The following MEN1 variants were observed in gnomAD, a reference collection of about 807,000 sequenced individuals.
The protein encoded by MEN1 is menin.
Under a neutral mutation model 58.0 loss-of-function variants are expected in MEN1, and 6 were observed. The observed-to-expected ratio is 0.10, with a 90% CI of 0.06 to 0.20. The LOEUF (loss-of-function observed/expected upper bound fraction) is 0.20, where lower values mean the gene tolerates loss of function less well. Ranked by LOEUF, MEN1 falls within the 10% of genes least tolerant of loss-of-function variation. The pLI is 1.00. For synonymous variants in MEN1, 346 were observed against 350.7 expected (o/e 0.99, Z 0.15); for missense variants, 492 against 818.5 (o/e 0.60, Z 4.87).
In MEN1 at chr11:64,805,130, G is replaced by A. The variant is rs2071313; in HGVS notation, c.1254C>T (p.Asp418=). 0.4 allele frequency: 640,045 copies of A among 1,613,902 alleles called. 132,028 individuals carry two copies. Among genetic ancestry groups the A allele is most frequent in the South Asian group, 0.48 (43,888 of 91,076 alleles). ...ECFAHLLRFY[D]GICKWEEGSP... is the part of the protein sequence containing the mutation. The stretch of plus-strand genomic sequence containing the variant: ...TGCCCTCCTCCCATTTGCAGATGCC[G>A]TCGTAGAATCGCAGCAGGTGGGCGA... The change falls in exon 9 of 10, where the codon GAC becomes GAT. Residue 418 remains aspartate, a synonymous_variant. Transcript: ENST00000450708.
rs562257963 is a variant in MEN1 at position 64,804,519 on chromosome 11, C to A, written c.1648G>T (p.Val550Leu). The A allele has an allele frequency of 9.9e-6, 16 of 1,614,114 alleles. No individual in the cohort carries two copies. In the South Asian group the frequency reaches 1.4e-4, roughly 14 times the overall value. ...PTASPPPEGPVLTFQSEKMKG... is the reference protein window; with the variant it reads ...PTASPPPEGPLLTFQSEKMKG... ...ATCTTCTCACTCTGGAAAGTGAGCA[C>A]TGGACCCTCCGGCGGTGGTGATGCT... The change falls in exon 10 of 10, where the codon GTG (valine) becomes TTG (leucine). Residue 550 changes from valine (V) to leucine (L), a missense_variant. Transcript: ENST00000450708. The surrounding 1 kb of genome is among the most constrained non-coding windows in gnomAD (Gnocchi z 4.2).
At chr11:64,806,137 C>A (rs186166743) in intron 7 of MEN1, 95 bp downstream of exon 7, 3 of 1,526,988 alleles carry the variant, frequency 2.0e-6, no homozygotes, top group South Asian at 1.1e-5. Context: ...GGGGATGGGG[C>A]GTGGGAGCCA....
intron 8 of MEN1, among the ~76,000 whole-genome samples, 171 bp downstream of exon 8, chr11:64,805,464 C>T (rs1941651802): frequency 1.3e-5 from 2 of 152,168 alleles, no homozygotes; most frequent in South Asian, 4.1e-4. Flanking sequence ...CCTTCAGTCC[C>T]GTCCAACGTG....
intron 7 of MEN1, 79 bp downstream of exon 7, chr11:64,806,153 C>G (rs1001813172): frequency 1.3e-6 from 2 of 1,578,930 alleles, no homozygotes; most frequent in Non-Finnish European, 1.7e-6. Flanking sequence ...AGCCAGGCCT[C>G]AGTCCTGGAC....
rs1158877072 is a variant in MEN1, at chr11:64,807,363, G to A, written c.784-144C>T. On this transcript the variant is annotated intron_variant, in intron 4 of 9. Transcript: ENST00000450708. This position sits in a 1 kb window ranked among gnomAD's most constrained non-coding sequence, Gnocchi z 4.9. ...AAATTCTGGGACCAGCCCTTTAATG[G>A]AGTCAAAGCAATTTCACATCTCAAT... 3 of 1,124,928 alleles carry A rather than the reference G, an allele frequency of 2.7e-6. No homozygotes were observed. Among genetic ancestry groups the A allele is most frequent in the Non-Finnish European group, 3.9e-6 (3 of 769,864 alleles). 69.7% of individuals were successfully genotyped at this position (1,124,928 alleles called of 1,614,324 possible). A position where few individuals can be genotyped will look rare whatever the true frequency, so the allele number is the denominator to read the frequency against.
rs1555166622 is a variant in MEN1, at chr11:64,809,927, G to T, written c.183C>A (p.Leu61=). 1 of 1,585,162 alleles carries T rather than the reference G, an allele frequency of 6.3e-7. No homozygotes were observed. The highest frequency in any genetic ancestry group is 2.3e-5 in the East Asian group (1 of 43,022). Residue 61 remains leucine, a synonymous_variant, in exon 2 of 10, where the codon CTC becomes CTA. Coordinates refer to ENST00000450708, the MANE Select transcript of MEN1 (RefSeq NM_001370259.2). ...NRVIPTNVPE[L]TFQPSPAPDP... ...CGGGGGCGGGGCTGGGCTGGAAGGTGAGCTCGGGAACGTTGGTAGGGATGA... is the reference window on the plus strand; with the variant it reads ...CGGGGGCGGGGCTGGGCTGGAAGGTTAGCTCGGGAACGTTGGTAGGGATGA...
chr11:64,805,242 C>A, intron 8 of MEN1, 44 bp from the exon 9 acceptor site: 1 of 1,604,010 alleles, frequency 6.2e-7, no homozygotes, highest in Non-Finnish European at 8.5e-7. Flanking sequence ...CTCTTACTCA[C>A]CCCTTAGCAG....
At chr11:64,810,457 C>T (rs1942055346) in intron 1 of MEN1, 57 bp downstream of exon 1, 2 of 306,866 alleles carry the variant, frequency 6.5e-6, no homozygotes, top group Non-Finnish European at 1.2e-5. Flanking sequence ...AGAAAGCGCA[C>T]CCAGGTCAAG....
At position 64,807,311 on chromosome 11, in the gene MEN1, G is replaced by A. The variant is rs1941802260; in HGVS notation, c.784-92C>T. 6.9e-7 allele frequency: 1 copy of A among 1,444,920 alleles called. No individual in the cohort carries two copies. The highest frequency in any genetic ancestry group is 1.4e-5 in the African/African-American group (1 of 71,842). The allele number at this position is 1,444,920 out of a possible 1,614,324, so 89.5% of individuals were successfully genotyped here. A position where few individuals can be genotyped will look rare whatever the true frequency, so the allele number is the denominator to read the frequency against. Reference sequence around the variant, plus strand: ...GCAGAGGTGGGGGTCAGAACCAACAGGGACCACCCACCATGTGGAAGGGCC... The same window carrying A: ...GCAGAGGTGGGGGTCAGAACCAACAAGGACCACCCACCATGTGGAAGGGCC... On this transcript the variant is annotated intron_variant, in intron 4 of 9. Coordinates refer to ENST00000450708, the MANE Select transcript of MEN1 (RefSeq NM_001370259.2). The surrounding 1 kb of genome is among the most constrained non-coding windows in gnomAD (Gnocchi z 4.9).
In MEN1 at chr11:64,804,110, A is replaced by T. The variant is rs1369646443; in HGVS notation, c.*224T>A. 1.7e-6 allele frequency: 1 copy of T among 594,988 alleles called. No homozygotes were observed. Among genetic ancestry groups the T allele is most frequent in the Admixed American group, 3.0e-5 (1 of 33,482 alleles). 36.9% of individuals were successfully genotyped at this position (594,988 alleles called of 1,614,324 possible). A position where few individuals can be genotyped will look rare whatever the true frequency, so the allele number is the denominator to read the frequency against. ...GTGAGGTTTCCATTGGCCGGCTGGG[A>T]TTCTGGGAGAAGAGACCTATATTCT... On this transcript the variant is annotated 3_prime_UTR_variant, in exon 10 of 10. Coordinates refer to ENST00000450708, the MANE Select transcript of MEN1 (RefSeq NM_001370259.2). The surrounding 1 kb of genome is among the most constrained non-coding windows in gnomAD (Gnocchi z 4.2).
intron 7 of MEN1, 181 bp downstream of exon 7, chr11:64,806,051 G>A (rs1399253342): frequency 4.0e-6 from 3 of 743,850 alleles, no homozygotes; most frequent in African/African-American, 1.8e-5. Context: ...GGGAGGGAGG[G>A]AAAGATGTGA....
At position 64,806,222 on chromosome 11, in the gene MEN1, G is replaced by T. The variant is rs1213290780; in HGVS notation, c.1049+10C>A. ...GGACAGGCTGCAGGCCCTAGTAGGG[G>T]GATCCTCACTCCTGGATGACAGTGG... On this transcript the variant is annotated intron_variant, in intron 7 of 9. Transcript: ENST00000450708. The T allele has an allele frequency of 6.2e-7, 1 of 1,613,930 alleles. No homozygotes were observed. The highest frequency in any genetic ancestry group is 8.5e-7 in the Non-Finnish European group (1 of 1,179,986).
rs188045677 is a variant in MEN1 at position 64,808,773 on chromosome 11, G to C, written c.446-674C>G. Among the ~76,000 whole-genome samples the C allele has an allele frequency of 2.6e-3, 398 of 151,674 alleles. 3 individuals are homozygous for C. The highest frequency in any genetic ancestry group is 9.5e-3 in the African/African-American group (392 of 41,292). ...ATCCTGGCTAACATGGTGAAACCTC[G>C]TCTCTACTAAAAATCCAAAAAAAAA... On this transcript the variant is annotated intron_variant, in intron 2 of 9. Transcript: ENST00000450708.
At position 64,804,949 on chromosome 11, in the gene MEN1, C is replaced by T; in HGVS notation, c.1350+85G>A. On this transcript the variant is annotated intron_variant, in intron 9 of 9. Transcript: ENST00000450708. This position sits in a 1 kb window ranked among gnomAD's most constrained non-coding sequence, Gnocchi z 4.2. The stretch of plus-strand genomic sequence containing the variant: ...CGGCACCCAAGGGGATGGGCAGATG[C>T]TGCCCCTGGGCCAGAAAAGTCTGAC... 1 of 1,600,118 alleles carries T rather than the reference C, an allele frequency of 6.2e-7. No individual in the cohort carries two copies. The highest frequency in any genetic ancestry group is 1.7e-5 in the Admixed American group (1 of 60,024).
intron 2 of MEN1, among the ~76,000 whole-genome samples, chr11:64,808,393 G>A (rs753384516): frequency 6.6e-6 from 1 of 152,128 alleles, no homozygotes; most frequent in Non-Finnish European, 1.5e-5. Flanking sequence ...ATGGATTTAG[G>A]GATTCCATTT....
In MEN1 at chr11:64,807,142, C is replaced by T; in HGVS notation, c.824+37G>A. 1.2e-6 allele frequency: 2 copies of T among 1,614,056 alleles called. No homozygotes were observed. Among genetic ancestry groups the T allele is most frequent in the Non-Finnish European group, 1.7e-6 (2 of 1,179,920 alleles). ...TCAGGCTGCCACCCAGCCCCCCGGC[C>T]TCACCAGGCGCAGCCTGGCCACTTC... On this transcript the variant is annotated intron_variant, in intron 5 of 9. Coordinates refer to ENST00000450708, the MANE Select transcript of MEN1 (RefSeq NM_001370259.2). This position sits in a 1 kb window ranked among gnomAD's most constrained non-coding sequence, Gnocchi z 4.9.
Position 64,807,410 on chromosome 11 carries a change from G to A in MEN1, c.783+142C>T. On this transcript the variant is annotated intron_variant, in intron 4 of 9. Coordinates refer to ENST00000450708, the MANE Select transcript of MEN1 (RefSeq NM_001370259.2). The surrounding 1 kb of genome is among the most constrained non-coding windows in gnomAD (Gnocchi z 4.9). Reference sequence around the variant, plus strand: ...CAATTCTACTCTCCCAAGAGCCCTGGGAAAGGCCAGGCCAGGAATTACTAA... The same window carrying A: ...CAATTCTACTCTCCCAAGAGCCCTGAGAAAGGCCAGGCCAGGAATTACTAA... 1 of 1,081,382 alleles carries A rather than the reference G, an allele frequency of 9.2e-7. No individual in the cohort carries two copies. The allele number at this position is 1,081,382 out of a possible 1,614,324, so 67.0% of individuals were successfully genotyped here.
At position 64,810,031 on chromosome 11, in the gene MEN1, G is replaced by A. The variant is rs1006536599; in HGVS notation, c.79C>T (p.Leu27=). 1.2e-6 allele frequency: 2 copies of A among 1,609,522 alleles called. No individual in the cohort carries two copies. Among genetic ancestry groups the A allele is most frequent in the East Asian group, 2.2e-5 (1 of 44,720 alleles). Residue 27 remains leucine, a synonymous_variant, in exon 2 of 10, where the codon CTG becomes TTG. Transcript: ENST00000450708. ...ACCAGGTCCGGCTCCTCTCGGCCCAGCTCGGCAGCAAACAGGCGCACCACG... is the reference window on the plus strand; with the variant it reads ...ACCAGGTCCGGCTCCTCTCGGCCCAACTCGGCAGCAAACAGGCGCACCACG... ...DDVVRLFAAE[L]GREEPDLVLL...
rs1423515371 is a variant in MEN1, at chr11:64,804,970, C to G, written c.1350+64G>C. 2 of 1,604,928 alleles carry G rather than the reference C, an allele frequency of 1.2e-6. No homozygotes were observed. The highest frequency in any genetic ancestry group is 1.7e-6 in the Non-Finnish European group (2 of 1,179,646). On this transcript the variant is annotated intron_variant, in intron 9 of 9. Coordinates refer to ENST00000450708, the MANE Select transcript of MEN1 (RefSeq NM_001370259.2). The surrounding 1 kb of genome is among the most constrained non-coding windows in gnomAD (Gnocchi z 4.2). The stretch of plus-strand genomic sequence containing the variant: ...GATGCTGCCCCTGGGCCAGAAAAGT[C>G]TGACAAGCCCGTGGCTGCTGTCACC...
Sources: gnomAD v4.1 joint callset for allele counts (sites outside exome capture counted in the v4.1 genomes callset) on GRCh38, gnomAD v4.1.1 for gene constraint, Gnocchi (gnomAD v3.1) non-coding constraint, MANE v1.5 for transcripts, NCBI Gene and HGNC (gene_info 2026-07-23, HGNC 2026-07-21) for gene names.